The following ZNF248 variants were observed in gnomAD, a reference collection of about 807,000 sequenced individuals.
The protein encoded by ZNF248 is KRAB protein domain.
A neutral mutation model predicts 44.3 loss-of-function variants in ZNF248; 20 were observed. That is an observed-to-expected ratio of 0.45 (90% CI 0.32 to 0.66). The LOEUF (loss-of-function observed/expected upper bound fraction) is 0.66. Ranked by LOEUF, ZNF248 falls within the 30% of genes least tolerant of loss-of-function variation. ZNF248 has a pLI of 0.04. For missense variants in ZNF248, 654 were observed against 677.0 expected (o/e 0.97, Z 0.38); for synonymous variants, 224 against 229.0 (o/e 0.98, Z 0.20).
At position 37,838,048 on chromosome 10, in the gene ZNF248, G is replaced by A. The variant is rs554576780; in HGVS notation, c.79C>T (p.Pro27Ser). 5 of 1,613,228 alleles carry A rather than the reference G, an allele frequency of 3.1e-6. No homozygotes were observed. The South Asian group carries it at 3.3e-5, about 11-fold the overall frequency. Residue 27 changes from proline (P) to serine (S), a missense_variant, in exon 4 of 6, where the codon CCT becomes TCT. Physicochemically the swap from Pro to Ser is moderately conservative, Grantham distance 74 (BLOSUM62 -1). Transcript: ENST00000395867. ...TCTCTGTATAGAATCTTCTGAGCAG[G>A]GTCCAGCAGATACCACTCTTCCTGA... ...FTQEEWYLLD[P>S]AQKILYRDVI... is the part of the protein sequence containing the mutation.
downstream of ZNF248, among the ~76,000 whole-genome samples, chr10:37,773,084 T>G (rs2046330351): frequency 6.6e-6 from 1 of 151,920 alleles, no homozygotes; most frequent in Non-Finnish European, 1.5e-5. Flanking sequence ...CCGTCCCTAC[T>G]AAAATACAAA....
At chr10:37,815,070 T>C (rs1022825991) in intron 6 of ZNF248, among the ~76,000 whole-genome samples, 3 of 152,154 alleles carry the variant, frequency 2.0e-5, no homozygotes, top group Admixed American at 6.5e-5. Flanking sequence ...CATTTTTTTT[T>C]CAGACTTTTT....
rs1487379580 is a variant in ZNF248 at position 37,856,182 on chromosome 10, C to A, written c.15+114G>T. ...TGGATTTGCTACTTCAGTTTTATTT[C>A]CCTTAATGTCAATTTTTGCCTATTT... On this transcript the variant is annotated intron_variant, in intron 3 of 5. Transcript: ENST00000395867. 4 of 1,212,934 alleles carry A rather than the reference C, an allele frequency of 3.3e-6. No homozygotes were observed. In the East Asian group the frequency reaches 7.1e-5, roughly 22 times the overall value. The allele number at this position is 1,212,934 out of a possible 1,614,324, so 75.1% of individuals were successfully genotyped here.
At chr10:37,835,434 G>A (rs1220914070) in intron 5 of ZNF248, among the ~76,000 whole-genome samples, 2 of 152,154 alleles carry the variant, frequency 1.3e-5, no homozygotes, top group Non-Finnish European at 2.9e-5. Flanking sequence ...AGCTCAGATT[G>A]TTATTCCTCA....
At chr10:37,849,220 A>C (rs2059815160) in intron 3 of ZNF248, among the ~76,000 whole-genome samples, 1 of 152,130 alleles carries the variant, frequency 6.6e-6, no homozygotes, top group South Asian at 2.1e-4. Context: ...ACCTGAGCAC[A>C]GGAATTTGAG....
the ZNF248 span, among the ~76,000 whole-genome samples, chr10:37,767,079 G>C: frequency 3.3e-5 from 5 of 152,270 alleles, no homozygotes; most frequent in Admixed American, 2.0e-4. Flanking sequence ...AGAAAAAAAA[G>C]AATAAAAAGA....
intron 6 of ZNF248, among the ~76,000 whole-genome samples, chr10:37,780,616 CG>C (rs2047171135): frequency 6.6e-6 from 1 of 152,218 alleles, no homozygotes; most frequent in Non-Finnish European, 1.5e-5. Flanking sequence ...CATCCTCTGG[CG>C]TAGGGACTAA....
At chr10:37,768,882 A>G in the ZNF248 span, among the ~76,000 whole-genome samples, 1 of 152,192 alleles carries the variant, frequency 6.6e-6, no homozygotes, top group Non-Finnish European at 1.5e-5. Flanking sequence ...TAGCAAGACT[A>G]ATAAAGAAGA....
At chr10:37,784,889 A>G (rs910486563) in intron 6 of ZNF248, among the ~76,000 whole-genome samples, 5 of 152,232 alleles carry the variant, frequency 3.3e-5, no homozygotes, top group Admixed American at 2.6e-4. Context: ...CACCTATGTC[A>G]GCATTTTGGT....
At chr10:37,853,811 T>A (rs1177739455) in intron 3 of ZNF248, among the ~76,000 whole-genome samples, 2 of 151,944 alleles carry the variant, frequency 1.3e-5, no homozygotes, top group East Asian at 3.8e-4. Flanking sequence ...AAATGACGAA[T>A]CTGTCACCAA....
chr10:37,854,405 T>C (rs894522008), intron 3 of ZNF248, among the ~76,000 whole-genome samples: 11 of 151,268 alleles, frequency 7.3e-5, no homozygotes, highest in South Asian at 4.2e-4. Context: ...AAAAGAAAAA[T>C]AGGCAAAAGA....
At chr10:37,848,662 C>T (rs899087669) in intron 3 of ZNF248, among the ~76,000 whole-genome samples, 1 of 151,750 alleles carries the variant, frequency 6.6e-6, no homozygotes, top group African/African-American at 2.4e-5. Context: ...CTGAAAGATA[C>T]GGAATGGTAA....
downstream of ZNF248, among the ~76,000 whole-genome samples, chr10:37,772,850 A>G (rs1489297355): frequency 6.6e-6 from 1 of 152,208 alleles, no homozygotes; most frequent in East Asian, 1.9e-4. Context: ...TTTCTGACTA[A>G]ACTCACAATA....
intron 6 of ZNF248, chr10:37,819,172 T>G: frequency 1.3e-6 from 1 of 791,582 alleles, no homozygotes; most frequent in South Asian, 1.4e-5. Flanking sequence ...GAGGTTTTAT[T>G]TTATTTAAGT....
chr10:37,817,793 C>T (rs193283887), intron 6 of ZNF248, among the ~76,000 whole-genome samples: 16 of 152,316 alleles, frequency 1.1e-4, no homozygotes, highest in Admixed American at 3.3e-4. Context: ...CAAACACCAT[C>T]CCCAGCTGAG....
intron 6 of ZNF248, among the ~76,000 whole-genome samples, chr10:37,802,209 G>A (rs1341006128): frequency 6.6e-6 from 1 of 152,160 alleles, no homozygotes; most frequent in South Asian, 2.1e-4. Context: ...CAACTCGCCT[G>A]GGATCTGTTC....
At chr10:37,765,324 G>T in the ZNF248 span, among the ~76,000 whole-genome samples, 1 of 152,120 alleles carries the variant, frequency 6.6e-6, no homozygotes, top group African/African-American at 2.4e-5. Flanking sequence ...GCGATTTGGG[G>T]ATTATTCCTT....
intron 3 of ZNF248, among the ~76,000 whole-genome samples, chr10:37,845,380 TAA>T (rs34800175): frequency 1.5e-5 from 2 of 135,598 alleles, no homozygotes; most frequent in African/African-American, 5.4e-5. Context: ...AGAATGGATT[TAA>T]AAAAAAAAAA....
At chr10:37,803,289 C>T (rs1163289974) in intron 6 of ZNF248, 1 of 152,208 alleles carries the variant, frequency 6.6e-6, no homozygotes, top group Non-Finnish European at 1.5e-5. Flanking sequence ...AGTGAGTAGA[C>T]AGGAAGGGAG....
Sources: gnomAD v4.1 joint callset for allele counts (sites outside exome capture counted in the v4.1 genomes callset) on GRCh38, gnomAD v4.1.1 for gene constraint, MANE v1.5 for transcripts, NCBI Gene and HGNC (gene_info 2026-07-23, HGNC 2026-07-21) for gene names.